SRP72: variants seen among roughly 807,000 people sequenced by gnomAD.
The protein encoded by SRP72 is signal recognition particle 72.
A neutral mutation model predicts 96.3 loss-of-function variants in SRP72; 49 were observed. The ratio of observed to expected loss-of-function variants is 0.51; its 90% CI spans 0.40 to 0.65. SRP72 has a LOEUF of 0.65. Among genes scored for constraint, SRP72 ranks in the 30% least tolerant of loss-of-function variants. SRP72 has a pLI of 0.00. For missense variants in SRP72, 736 were observed against 793.3 expected (o/e 0.93, Z 0.87); for synonymous variants, 267 against 275.2 (o/e 0.97, Z 0.30).
rs1720350852 is a variant in SRP72 at position 56,478,758 on chromosome 4, A to G, written c.825+109A>G. The stretch of plus-strand genomic sequence containing the variant: ...AAGTGTTCTTTTTAACATGATGAAA[A>G]AAGTCCAGTTGTAGCAAAATCACAA... On this transcript the variant is annotated intron_variant, in intron 8 of 18. Transcript: ENST00000642900. 5 of 1,121,942 alleles carry G rather than the reference A, an allele frequency of 4.5e-6. No homozygotes were observed. The Admixed American group carries it at 1.4e-4, about 30-fold the overall frequency. 69.5% of individuals were successfully genotyped at this position (1,121,942 alleles called of 1,614,324 possible).
chr4:56,480,812 A>G (rs1376753940), intron 8 of SRP72, among the ~76,000 whole-genome samples: 2 of 152,198 alleles, frequency 1.3e-5, no homozygotes, highest in Non-Finnish European at 2.9e-5. Context: ...CTTTATAACT[A>G]TATATTTAAT....
chr4:56,492,310 T>A (rs1720937325), intron 16 of SRP72, among the ~76,000 whole-genome samples: 1 of 152,210 alleles, frequency 6.6e-6, no homozygotes, highest in Admixed American at 6.5e-5. Context: ...GTACATCATT[T>A]AGTATATGAT....
chr4:56,489,335 G>T, intron 12 of SRP72, 53 bp from the exon 13 acceptor site: 1 of 998,452 alleles, frequency 1.0e-6, no homozygotes. Flanking sequence ...TTTCAAAAGC[G>T]GTATTCTGGG....
intron 2 of SRP72, 28 bp from the exon 3 acceptor site, chr4:56,471,692 C>A: frequency 1.2e-6 from 2 of 1,609,462 alleles, no homozygotes; most frequent in South Asian, 1.1e-5. Context: ...AGATAATAAT[C>A]AGATACTGTT....
At position 56,502,934 on chromosome 4, in the gene SRP72, C is replaced by T. The variant is rs2110135994; in HGVS notation, c.*1073C>T. 1 of 152,288 alleles carries T rather than the reference C, an allele frequency of 6.6e-6. No homozygotes were observed. The highest frequency in any genetic ancestry group is 1.5e-5 in the Non-Finnish European group (1 of 68,004). 9.4% of individuals were successfully genotyped at this position (152,288 alleles called of 1,614,324 possible). A position where few individuals can be genotyped will look rare whatever the true frequency, so the allele number is the denominator to read the frequency against. On this transcript the variant is annotated 3_prime_UTR_variant, in exon 19 of 19. Coordinates refer to ENST00000642900, the MANE Select transcript of SRP72 (RefSeq NM_006947.4). Reference sequence around the variant, plus strand: ...TCTTTCCTTGCTTACAAACTACTTTCACATTGAACAGCTGTGAGACAGACA... The same window carrying T: ...TCTTTCCTTGCTTACAAACTACTTTTACATTGAACAGCTGTGAGACAGACA...
At chr4:56,489,349 G>A (rs772645706) in intron 12 of SRP72, 39 bp from the exon 13 acceptor site, 5 of 1,227,682 alleles carry the variant, frequency 4.1e-6, no homozygotes, top group African/African-American at 1.5e-5. Flanking sequence ...TTCTGGGAGT[G>A]AAGGGGGAGT....
chr4:56,490,742 G>T, intron 15 of SRP72, 97 bp downstream of exon 15: 1 of 1,006,204 alleles, frequency 9.9e-7, no homozygotes, highest in South Asian at 1.7e-5. Context: ...ATTGTAAACT[G>T]CAACTAACAA....
chr4:56,487,515 T>C (rs191264857), intron 11 of SRP72, among the ~76,000 whole-genome samples: 266 of 152,316 alleles, frequency 1.7e-3, no homozygotes, highest in African/African-American at 6.1e-3. Flanking sequence ...TTTTGAGTTA[T>C]TGAGGTTTGC....
Position 56,502,030 on chromosome 4 carries a change from G to T in SRP72, c.*169G>T. On this transcript the variant is annotated 3_prime_UTR_variant, in exon 19 of 19. Transcript: ENST00000642900. ...ATCTTCCTCAAAGTCTGCCTAGTGA[G>T]ATATGGCCTACTGGTTGCCTCATAG... The T allele has an allele frequency of 1.4e-6, 1 of 714,546 alleles. No homozygotes were observed. The highest frequency in any genetic ancestry group is 1.9e-5 in the South Asian group (1 of 52,890). 44.3% of individuals were successfully genotyped at this position (714,546 alleles called of 1,614,324 possible).
At chr4:56,499,078 A>G (rs947633388) in intron 17 of SRP72, among the ~76,000 whole-genome samples, 2 of 152,218 alleles carry the variant, frequency 1.3e-5, no homozygotes, top group African/African-American at 4.8e-5. Context: ...TCTGTAGACC[A>G]ATGGAACAGA....
Position 56,474,189 on chromosome 4 carries a change from G to A in SRP72, c.490G>A (p.Val164Met). The change falls in exon 4 of 19, where the codon GTG becomes ATG. Residue 164 changes from valine to methionine, a missense_variant. Physicochemically the swap from Val to Met is conservative, Grantham distance 21. This residue lies in a region of SRP72 where 329 missense variants were observed against 319.0 expected (regional missense o/e 1.03). Transcript: ENST00000642900. ...TGCAGCTCAAAGCAATTGGGAAAAA[G>A]TGGTTCCAGTGAGTATCCTTGTGGT... ...VVAAQSNWEK[V>M]VPENLGLQEG... 1.2e-6 allele frequency: 2 copies of A among 1,614,188 alleles called. No homozygotes were observed. Among genetic ancestry groups the A allele is most frequent in the Non-Finnish European group, 1.7e-6 (2 of 1,180,030 alleles).
Position 56,502,496 on chromosome 4 carries a change from C to CATATATAT in SRP72, c.*645_*652dup, listed in dbSNP as rs35852754. The CATATATAT allele has an allele frequency of 2.0e-4, 23 of 113,756 alleles. No individual in the cohort carries two copies. The highest frequency in any genetic ancestry group is 1.3e-3 in the Admixed American group (16 of 11,958). The allele number at this position is 113,756 out of a possible 1,614,324, so 7.0% of individuals were successfully genotyped here. A position where few individuals can be genotyped will look rare whatever the true frequency, so the allele number is the denominator to read the frequency against. ...ATATATATATATGTATATATATATA[C>CATATATAT]ATATATATATATATATAAACATGAA... On this transcript the variant is annotated 3_prime_UTR_variant, in exon 19 of 19. Coordinates refer to ENST00000642900, the MANE Select transcript of SRP72 (RefSeq NM_006947.4).
chr4:56,478,967 A>T (rs1279841999), intron 8 of SRP72, among the ~76,000 whole-genome samples: 1 of 152,248 alleles, frequency 6.6e-6, no homozygotes, highest in African/African-American at 2.4e-5. Flanking sequence ...AAGTATACGC[A>T]TGTTTTATAT....
At chr4:56,473,332 C>T (rs1428614407) in intron 3 of SRP72, among the ~76,000 whole-genome samples, 3 of 151,974 alleles carry the variant, frequency 2.0e-5, no homozygotes, top group African/African-American at 7.2e-5. Flanking sequence ...TGGTGGCGGG[C>T]GCCTGGTCCC....
At chr4:56,483,630 C>G (rs1208649659) in intron 9 of SRP72, among the ~76,000 whole-genome samples, 1 of 151,070 alleles carries the variant, frequency 6.6e-6, no homozygotes, top group Non-Finnish European at 1.5e-5. Flanking sequence ...GATTGTGCCA[C>G]TTCACTCCAG....
At chr4:56,476,562 G>T in intron 5 of SRP72, 109 bp from the exon 6 acceptor site, 1 of 1,149,506 alleles carries the variant, frequency 8.7e-7, no homozygotes, top group Admixed American at 2.0e-5. Context: ...TTGTTACTAC[G>T]ATTATCTTGG....
intron 18 of SRP72, among the ~76,000 whole-genome samples, chr4:56,501,206 G>A (rs1164419995): frequency 6.6e-6 from 1 of 152,132 alleles, no homozygotes; most frequent in African/African-American, 2.4e-5. Flanking sequence ...TTGCTAGTTC[G>A]AGAATAGCTT....
chr4:56,478,737 G>A, intron 8 of SRP72, 88 bp downstream of exon 8: 1 of 1,357,988 alleles, frequency 7.4e-7, no homozygotes, highest in Non-Finnish European at 1.0e-6. Flanking sequence ...TAGCCTAAGT[G>A]TTCTTTTTAA....
At chr4:56,483,098 T>C in intron 8 of SRP72, 41 bp from the exon 9 acceptor site, 1 of 1,575,700 alleles carries the variant, frequency 6.3e-7, no homozygotes, top group Non-Finnish European at 8.6e-7. Context: ...TAAGTTGAAA[T>C]CTGAGATTCT....
Sources: gnomAD v4.1 joint callset for allele counts (sites outside exome capture counted in the v4.1 genomes callset) on GRCh38, gnomAD v4.1.1 for gene constraint, gnomAD v4.1.1 regional missense constraint, MANE v1.5 for transcripts, NCBI Gene and HGNC (gene_info 2026-07-23, HGNC 2026-07-21) for gene names.